The following WFDC1 variants were observed in gnomAD, a reference collection of about 807,000 sequenced individuals.
WFDC1 encodes WAP four-disulfide core domain 1.
A neutral mutation model predicts 32.9 loss-of-function variants in WFDC1; 39 were observed. The observed-to-expected ratio is 1.19, with a 90% CI of 0.92 to 1.55. WFDC1 has a LOEUF of 1.55. Among genes scored for constraint, WFDC1 ranks in the 40% most tolerant of loss-of-function variants. WFDC1 has a pLI of 0.00. For missense variants in WFDC1, 386 were observed against 309.5 expected (o/e 1.25, Z -1.85); for synonymous variants, 184 against 137.4 (o/e 1.34, Z -2.37).
At chr16:84,324,034 C>A (rs1412982466) in intron 4 of WFDC1, among the ~76,000 whole-genome samples, 1 of 152,106 alleles carries the variant, frequency 6.6e-6, no homozygotes, top group Non-Finnish European at 1.5e-5. Flanking sequence ...GCAGGAGAAT[C>A]ACTTGAACCC....
intron 1 of WFDC1, among the ~76,000 whole-genome samples, chr16:84,307,805 G>T (rs1053255294): frequency 6.6e-6 from 1 of 152,164 alleles, no homozygotes; most frequent in East Asian, 1.9e-4. Context: ...CCCAACATGG[G>T]TCCAATGTAG....
chr16:84,319,385 TC>T, intron 3 of WFDC1, 45 bp from the exon 4 acceptor site: 1 of 1,596,786 alleles, frequency 6.3e-7, no homozygotes, highest in Non-Finnish European at 8.5e-7. Context: ...TGTGCACCTG[TC>T]CTGGGAGTCG....
intron 5 of WFDC1, among the ~76,000 whole-genome samples, 185 bp downstream of exon 5, chr16:84,324,645 A>T (rs894619687): frequency 1.3e-5 from 2 of 152,216 alleles, no homozygotes; most frequent in African/African-American, 2.4e-5. Flanking sequence ...GTCACAGAGG[A>T]GCTCATGGCA....
intron 5 of WFDC1, chr16:84,326,551 G>A (rs1908612655): frequency 3.5e-6 from 1 of 282,508 alleles, no homozygotes. Context: ...TGAAAGCTCA[G>A]CCTAAAGAAT....
chr16:84,328,491 C>T (rs1597700337), intron 6 of WFDC1: 1 of 152,314 alleles, frequency 6.6e-6, no homozygotes, highest in Admixed American at 6.5e-5. Context: ...AAATCTGGAG[C>T]CCGTAGGGAC....
intron 1 of WFDC1, among the ~76,000 whole-genome samples, chr16:84,310,516 G>C (rs1907548570): frequency 6.6e-6 from 1 of 152,162 alleles, no homozygotes; most frequent in East Asian, 1.9e-4. Context: ...ATGGTAAAAA[G>C]ACATTGAACC....
chr16:84,297,639 A>C lies in WFDC1; in HGVS notation c.144+2524A>C, dbSNP rs951823653. Among the ~76,000 whole-genome samples the C allele has an allele frequency of 4.9e-3, 722 of 148,364 alleles. 15 individuals are homozygous for C. The highest frequency in any genetic ancestry group is 6.2e-3 in the Non-Finnish European group (414 of 66,792). Reference sequence around the variant, plus strand: ...TCTCAAAAAAAAAAAAAAAAAAAAAAAAAAAAAACTGTGCCTCAGAGAAAG... The same window carrying C: ...TCTCAAAAAAAAAAAAAAAAAAAAACAAAAAAAACTGTGCCTCAGAGAAAG... On this transcript the variant is annotated intron_variant, in intron 1 of 6. Transcript: ENST00000219454.
chr16:84,306,807 C>T (rs1290938460), intron 1 of WFDC1, among the ~76,000 whole-genome samples: 3 of 150,668 alleles, frequency 2.0e-5, no homozygotes, highest in Admixed American at 6.6e-5. Context: ...TTGTTCCACC[C>T]GAAGAATATT....
chr16:84,298,564 G>A (rs1906746748), intron 1 of WFDC1, among the ~76,000 whole-genome samples: 1 of 152,180 alleles, frequency 6.6e-6, no homozygotes, highest in South Asian at 2.1e-4. Flanking sequence ...TGGGTTGCCT[G>A]AAATCAACCA....
chr16:84,294,981 A>G lies in WFDC1; in HGVS notation c.10A>G (p.Thr4Ala). MPL[T>A]GVGPGSCRRQ... Reference sequence around the variant, plus strand: ...GCTGCCCAGGGAGGAAATGCCTTTAACCGGCGTGGGGCCGGGCAGCTGCAG... The same window carrying G: ...GCTGCCCAGGGAGGAAATGCCTTTAGCCGGCGTGGGGCCGGGCAGCTGCAG... Residue 4 changes from threonine (T) to alanine (A), a missense_variant, in exon 1 of 7, where the codon ACC (threonine) becomes GCC (alanine). Coordinates refer to ENST00000219454, the MANE Select transcript of WFDC1 (RefSeq NM_021197.4). 1.2e-6 allele frequency: 2 copies of G among 1,613,036 alleles called. No individual in the cohort carries two copies.
chr16:84,301,739 G>C (rs244831), intron 1 of WFDC1, among the ~76,000 whole-genome samples: 44,803 of 152,024 alleles, frequency 0.29, 7,238 homozygotes, highest in East Asian at 0.48. Context: ...TGGCATGGAG[G>C]GGGGACTGGA....
intron 4 of WFDC1, among the ~76,000 whole-genome samples, chr16:84,320,158 C>A (rs1183648376): frequency 6.6e-6 from 1 of 152,172 alleles, no homozygotes; most frequent in Non-Finnish European, 1.5e-5. Flanking sequence ...ACGACACATT[C>A]AATATTTTAT....
chr16:84,319,681 T>A (rs1313075197), intron 4 of WFDC1, 110 bp downstream of exon 4: 2 of 1,414,522 alleles, frequency 1.4e-6, no homozygotes, highest in East Asian at 2.4e-5. Context: ...CCCCAGCACC[T>A]GGGCCTGACT....
chr16:84,312,871 C>A, intron 1 of WFDC1, 90 bp from the exon 2 acceptor site: 1 of 808,958 alleles, frequency 1.2e-6, no homozygotes, highest in Non-Finnish European at 1.6e-6. Context: ...CAGAGAGGCC[C>A]GGCGCACTGC....
chr16:84,303,198 A>G (rs1337414058), intron 1 of WFDC1, among the ~76,000 whole-genome samples: 3 of 152,042 alleles, frequency 2.0e-5, no homozygotes, highest in African/African-American at 7.2e-5. Flanking sequence ...TTGACGTCCA[A>G]ATTCCAGAGG....
chr16:84,300,603 G>A (rs953003433), intron 1 of WFDC1, among the ~76,000 whole-genome samples: 1 of 152,236 alleles, frequency 6.6e-6, no homozygotes, highest in Admixed American at 6.5e-5. Flanking sequence ...CATTACAGGT[G>A]TAATTAGTCA....
At chr16:84,301,987 G>A (rs925264576) in intron 1 of WFDC1, among the ~76,000 whole-genome samples, 7 of 152,200 alleles carry the variant, frequency 4.6e-5, no homozygotes, top group East Asian at 1.9e-4. Flanking sequence ...GCAGATGGAT[G>A]CCCATGGGGT....
Position 84,327,451 on chromosome 16 carries a change from G to A in WFDC1, c.*15+496G>A, listed in dbSNP as rs541623649. ...TGGCCTCAAGCAGTCCTCCCACTTT[G>A]GCCTCCCAAAGTGCTGGGATTGCAG... On this transcript the variant is annotated intron_variant, in intron 6 of 6. Transcript: ENST00000219454. 20 of 154,570 alleles carry A rather than the reference G, an allele frequency of 1.3e-4. No homozygotes were observed. The South Asian group carries it at 4.0e-3, about 31-fold the overall frequency. The allele number at this position is 154,570 out of a possible 1,614,324, so 9.6% of individuals were successfully genotyped here.
chr16:84,297,593 G>A lies in WFDC1; in HGVS notation c.144+2478G>A, dbSNP rs1715206471. On this transcript the variant is annotated intron_variant, in intron 1 of 6. Coordinates refer to ENST00000219454, the MANE Select transcript of WFDC1 (RefSeq NM_021197.4). ...GATTGTGCCATTGCACTCCAGCCTG[G>A]GCAACAAGAGTGAAACTCTGTCTCA... 4.4e-5 allele frequency among the ~76,000 whole-genome samples: 6 copies of A among 136,694 alleles called. No homozygotes were observed. The South Asian group carries it at 1.5e-3, about 33-fold the overall frequency. 89.7% of individuals were successfully genotyped at this position (136,694 alleles called of 152,430 possible).
Sources: allele counts gnomAD v4.1 joint callset (sites outside exome capture counted in the v4.1 genomes callset), GRCh38; gene constraint gnomAD v4.1.1; transcripts MANE v1.5; gene names NCBI Gene and HGNC (gene_info 2026-07-23, HGNC 2026-07-21).